The following GALNT1 variants were observed in gnomAD, a reference collection of about 807,000 sequenced individuals.
GALNT1 encodes GalNAc transferase 1.
Under a neutral mutation model 65.7 loss-of-function variants are expected in GALNT1, and 17 were observed. The observed-to-expected ratio is 0.26, with a 90% confidence interval of 0.18 to 0.39. The LOEUF (loss-of-function observed/expected upper bound fraction) is 0.39, where lower values mean the gene tolerates loss of function less well. GALNT1 is among the 10% of genes least tolerant of loss of function. The probability of loss-of-function intolerance (pLI) is 1.00; values close to 1 mark genes in which losing one functional copy is unlikely to be tolerated. For missense variants in GALNT1, 460 were observed against 672.8 expected (o/e 0.68, Z 3.50); for synonymous variants, 210 against 219.7 (o/e 0.96, Z 0.39).
At chr18:35,620,056 A>G (rs189288561) in intron 1 of GALNT1, among the ~76,000 whole-genome samples, 126 of 152,250 alleles carry the variant, frequency 8.3e-4, no homozygotes, top group Middle Eastern at 3.4e-3. Context: ...CTTCCCCCAC[A>G]AAAAGGTGCT....
chr18:35,647,734 A>G (rs1367116103), intron 1 of GALNT1, among the ~76,000 whole-genome samples: 1 of 152,096 alleles, frequency 6.6e-6, no homozygotes, highest in Non-Finnish European at 1.5e-5. Flanking sequence ...GATCCAAGAG[A>G]ATGAAGCTTT....
intron 1 of GALNT1, among the ~76,000 whole-genome samples, chr18:35,611,765 G>A (rs2046720343): frequency 6.6e-6 from 1 of 152,214 alleles, no homozygotes; most frequent in Non-Finnish European, 1.5e-5. Flanking sequence ...CCAGCTAATG[G>A]TAATACGTTG....
intron 1 of GALNT1, among the ~76,000 whole-genome samples, chr18:35,632,757 A>T (rs2047032039): frequency 6.6e-6 from 1 of 152,232 alleles, no homozygotes; most frequent in South Asian, 2.1e-4. Context: ...ATCAGAGTGA[A>T]CAGGCAACCT....
intron 1 of GALNT1, among the ~76,000 whole-genome samples, chr18:35,629,413 C>T (rs1034528053): frequency 6.6e-6 from 1 of 152,160 alleles, no homozygotes; most frequent in Non-Finnish European, 1.5e-5. Flanking sequence ...GGCCAATATT[C>T]AACATTCTTA....
chr18:35,699,913 T>G (rs977196793), intron 9 of GALNT1, among the ~76,000 whole-genome samples: 1 of 152,224 alleles, frequency 6.6e-6, no homozygotes, highest in Non-Finnish European at 1.5e-5. Context: ...TATATAGTCT[T>G]AAAGCTATAT....
chr18:35,595,371 G>A (rs2046492711), intron 1 of GALNT1, among the ~76,000 whole-genome samples: 2 of 152,156 alleles, frequency 1.3e-5, no homozygotes, highest in South Asian at 4.1e-4. Context: ...GGAGGTGACA[G>A]TGGCTGATCC....
intron 1 of GALNT1, among the ~76,000 whole-genome samples, chr18:35,634,157 GTGT>G (rs1305165512): frequency 1.3e-5 from 2 of 152,160 alleles, no homozygotes; most frequent in African/African-American, 4.8e-5. Flanking sequence ...ATGTATGAGT[GTGT>G]TGTTCATTTT....
At chr18:35,653,398 G>T (rs2047335138) in intron 1 of GALNT1, among the ~76,000 whole-genome samples, 1 of 152,190 alleles carries the variant, frequency 6.6e-6, no homozygotes, top group South Asian at 2.1e-4. Flanking sequence ...AATTGTTCAG[G>T]TAAGTGCATC....
chr18:35,614,642 A>G (rs1302622784), intron 1 of GALNT1, among the ~76,000 whole-genome samples: 1 of 152,190 alleles, frequency 6.6e-6, no homozygotes, highest in African/African-American at 2.4e-5. Flanking sequence ...AATGAACAGA[A>G]TGGTCATTCC....
At chr18:35,596,176 C>G (rs1044202475) in intron 1 of GALNT1, 3 of 152,116 alleles carry the variant, frequency 2.0e-5, no homozygotes, top group African/African-American at 7.2e-5. Flanking sequence ...TATCTGAGCC[C>G]TGAACTAGAA....
intron 1 of GALNT1, among the ~76,000 whole-genome samples, chr18:35,598,838 T>C (rs2046539751): frequency 6.6e-6 from 1 of 152,156 alleles, no homozygotes; most frequent in Non-Finnish European, 1.5e-5. Context: ...CTAATTTACA[T>C]TCCCACCAAC....
At chr18:35,690,317 T>C (rs991815473) in intron 7 of GALNT1, among the ~76,000 whole-genome samples, 4 of 152,138 alleles carry the variant, frequency 2.6e-5, no homozygotes, top group African/African-American at 7.2e-5. Flanking sequence ...TTCTGTTTCA[T>C]GTACAAGCCG....
intron 1 of GALNT1, among the ~76,000 whole-genome samples, chr18:35,642,832 T>A (rs1242508574): frequency 6.6e-6 from 1 of 152,118 alleles, no homozygotes; most frequent in Non-Finnish European, 1.5e-5. Flanking sequence ...ACTAATAGGA[T>A]TCCTCGTTGG....
In GALNT1 at chr18:35,654,554, C is replaced by T. The variant is rs1354659972; in HGVS notation, c.-103-6C>T. 1 of 465,682 alleles carries T rather than the reference C, an allele frequency of 2.1e-6. No individual in the cohort carries two copies. Among genetic ancestry groups the T allele is most frequent in the East Asian group, 4.7e-5 (1 of 21,202 alleles). The allele number at this position is 465,682 out of a possible 1,614,324, so 28.8% of individuals were successfully genotyped here. A position where few individuals can be genotyped will look rare whatever the true frequency, so the allele number is the denominator to read the frequency against. ...AGTTAATCTTTTTTCCTTTCTTTCTCTATAGGGTATGAACGTGATTTCTGA... is the reference window on the plus strand; with the variant it reads ...AGTTAATCTTTTTTCCTTTCTTTCTTTATAGGGTATGAACGTGATTTCTGA... On this transcript the variant is annotated splice_region_variant and splice_polypyrimidine_tract_variant and intron_variant, in intron 1 of 11. Coordinates refer to ENST00000269195, the MANE Select transcript of GALNT1 (RefSeq NM_020474.4).
rs2047976188 is a variant in GALNT1, at chr18:35,692,194, A to G, written c.1173A>G (p.Val391=). ...FYIISPGVTK[V]DYGDISSRVG... ...TTCTTTCAACAGGTGTTACAAAGGT[A>G]GATTATGGAGATATATCGTCAAGAG... is the stretch of plus-strand genomic sequence containing the variant. Residue 391 remains valine (V), a synonymous_variant, in exon 9 of 12, where the codon GTA becomes GTG. Coordinates refer to ENST00000269195, the MANE Select transcript of GALNT1 (RefSeq NM_020474.4). 3 of 1,607,988 alleles carry G rather than the reference A, an allele frequency of 1.9e-6. No homozygotes were observed. The highest frequency in any genetic ancestry group is 1.3e-5 in the African/African-American group (1 of 74,740).
chr18:35,605,071 TAAG>T (rs1320046093), intron 1 of GALNT1, among the ~76,000 whole-genome samples: 2 of 152,190 alleles, frequency 1.3e-5, no homozygotes, highest in Non-Finnish European at 2.9e-5. Flanking sequence ...AATTAGGAGT[TAAG>T]AAGGTGAGGA....
At chr18:35,689,548 C>T (rs1418371824) in intron 7 of GALNT1, among the ~76,000 whole-genome samples, 1 of 151,980 alleles carries the variant, frequency 6.6e-6, no homozygotes, top group Non-Finnish European at 1.5e-5. Flanking sequence ...TTATTATTTT[C>T]AAGGAAGTAA....
intron 1 of GALNT1, among the ~76,000 whole-genome samples, chr18:35,644,761 C>T (rs1003414061): frequency 8.5e-5 from 13 of 152,050 alleles, no homozygotes; most frequent in African/African-American, 2.7e-4. Context: ...GAGGCTGAGG[C>T]GGGCGTATCA....
chr18:35,613,620 A>G (rs998423106), intron 1 of GALNT1, among the ~76,000 whole-genome samples: 1 of 152,142 alleles, frequency 6.6e-6, no homozygotes, highest in African/African-American at 2.4e-5. Context: ...CTAGGGATCA[A>G]GCAGTTGCTA....
Sources: allele counts gnomAD v4.1 joint callset (sites outside exome capture counted in the v4.1 genomes callset), GRCh38; gene constraint gnomAD v4.1.1; transcripts MANE v1.5; gene names NCBI Gene and HGNC (gene_info 2026-07-23, HGNC 2026-07-21).